The following SPTBN4 variants were observed in gnomAD, a reference collection of about 807,000 sequenced individuals.
SPTBN4 encodes spectrin beta chain, non-erythrocytic 4.
SPTBN4 carries 96 observed loss-of-function variants against 277.8 expected under a neutral mutation model. The observed-to-expected ratio is 0.35, with a 90% CI of 0.29 to 0.41. The LOEUF is 0.41. Ranked by LOEUF, SPTBN4 falls within the 10% of genes least tolerant of loss-of-function variation. The pLI is 1.00. For synonymous variants in SPTBN4, 1,481 were observed against 1,580.3 expected, an observed-to-expected ratio of 0.94 and a Z score of 1.49; for missense variants, 3,006 against 3,595.7, an observed-to-expected ratio of 0.84 and a Z score of 4.19.
At chr19:40,489,277 T>C (rs1041142981) in intron 3 of SPTBN4, among the ~76,000 whole-genome samples, 1 of 148,646 alleles carries the variant, frequency 6.7e-6, no homozygotes, top group Non-Finnish European at 1.5e-5. Context: ...TTGGAAGGAA[T>C]TGAGCCATAA....
Position 40,509,104 on chromosome 19 carries a change from T to TA in SPTBN4, c.1816+2719dup. ...TTATTGCTTTTTTTTTTTTTTTTTT[T>TA]AGACACTTGATCTCTCTATGTTACC... On this transcript the variant is annotated intron_variant, in intron 13 of 35. Coordinates refer to ENST00000598249, the MANE Select transcript of SPTBN4 (RefSeq NM_020971.3). Among the ~76,000 whole-genome samples the TA allele has an allele frequency of 2.2e-5, 3 of 139,056 alleles. No homozygotes were observed. The South Asian group carries it at 6.7e-4, about 31-fold the overall frequency. The allele number at this position is 139,056 out of a possible 152,430, so 91.2% of individuals were successfully genotyped here.
At chr19:40,483,407 G>A (rs1035621016) in intron 2 of SPTBN4, among the ~76,000 whole-genome samples, 1 of 151,916 alleles carries the variant, frequency 6.6e-6, no homozygotes, top group Admixed American at 6.6e-5. Flanking sequence ...ATATATAACT[G>A]CTATGTACCC....
intron 11 of SPTBN4, 114 bp from the exon 12 acceptor site, chr19:40,503,716 G>C: frequency 8.5e-7 from 1 of 1,172,656 alleles, no homozygotes; most frequent in Non-Finnish European, 1.2e-6. Flanking sequence ...TAACTAGGGA[G>C]GGCAGGGCCA....
intron 12 of SPTBN4, among the ~76,000 whole-genome samples, chr19:40,504,630 C>T (rs1050920976): frequency 1.3e-5 from 2 of 151,482 alleles, no homozygotes; most frequent in East Asian, 3.9e-4. Flanking sequence ...GATCCCGCCA[C>T]TGCACTCCAG....
chr19:40,530,345 C>T (rs1402520003), intron 18 of SPTBN4: 1 of 192,266 alleles, frequency 5.2e-6, no homozygotes, highest in African/African-American at 2.4e-5. Context: ...AGCCCCCCAC[C>T]CGAAGCCTTG....
intron 4 of SPTBN4, among the ~76,000 whole-genome samples, chr19:40,492,401 G>A (rs570475262): frequency 1.3e-5 from 2 of 152,244 alleles, no homozygotes; most frequent in South Asian, 2.1e-4. Flanking sequence ...AGATGGAACA[G>A]CCAGTGCTAA....
chr19:40,530,333 G>A (rs1274024713), intron 18 of SPTBN4, among the ~76,000 whole-genome samples: 1 of 152,074 alleles, frequency 6.6e-6, no homozygotes, highest in East Asian at 1.9e-4. Context: ...AGATGGCGCA[G>A]AAGCCCCCCA....
intron 17 of SPTBN4, 99 bp from the exon 18 acceptor site, chr19:40,528,942 C>T (rs1484153952): frequency 6.9e-6 from 6 of 874,118 alleles, no homozygotes; most frequent in Non-Finnish European, 1.1e-5. Flanking sequence ...TTTCCACGCC[C>T]TTCTTCCCCT....
Position 40,515,458 on chromosome 19 carries a change from C to T in SPTBN4, c.2903+10C>T, listed in dbSNP as rs2080443457. The T allele has an allele frequency of 6.5e-7, 1 of 1,547,038 alleles. No individual in the cohort carries two copies. The highest frequency in any genetic ancestry group is 2.0e-5 in the Admixed American group (1 of 50,094). ...ACCACCTCAACAGCAGGTAGGAGGG[C>T]CTGGGGCTGGGAGTCCCTCCCATCC... is the stretch of plus-strand genomic sequence containing the variant. On this transcript the variant is annotated intron_variant, in intron 15 of 35. Coordinates refer to ENST00000598249, the MANE Select transcript of SPTBN4 (RefSeq NM_020971.3). The surrounding 1 kb of genome is among the most constrained non-coding windows in gnomAD (Gnocchi z 4.1).
chr19:40,493,121 C>T, intron 5 of SPTBN4, 67 bp downstream of exon 5: 1 of 1,486,634 alleles, frequency 6.7e-7, no homozygotes, highest in Non-Finnish European at 9.4e-7. Flanking sequence ...CAATTCCTTC[C>T]CAGACAAGAG....
At chr19:40,523,195 G>C (rs2080548845) in intron 16 of SPTBN4, among the ~76,000 whole-genome samples, 1 of 152,178 alleles carries the variant, frequency 6.6e-6, no homozygotes, top group Non-Finnish European at 1.5e-5. Context: ...GGTGGGAGTT[G>C]ATAAATTTGG....
At position 40,550,344 on chromosome 19, in the gene SPTBN4, G is replaced by A. The variant is rs760035295; in HGVS notation, c.4674+17G>A. ...AAGAACCAGGTGAGCAGAGCCAGGT[G>A]AGGGAGCGAGTTAGGACATTTGGAT... On this transcript the variant is annotated intron_variant, in intron 22 of 35. Coordinates refer to ENST00000598249, the MANE Select transcript of SPTBN4 (RefSeq NM_020971.3). 4 of 1,603,440 alleles carry A rather than the reference G, an allele frequency of 2.5e-6. No individual in the cohort carries two copies. The African/African-American group carries it at 5.3e-5, about 21-fold the overall frequency.
chr19:40,484,793 G>T (rs540943636), intron 2 of SPTBN4, among the ~76,000 whole-genome samples: 1 of 151,800 alleles, frequency 6.6e-6, no homozygotes, highest in Non-Finnish European at 1.5e-5. Context: ...TTAGCCGGGC[G>T]TGGTGGCAGG....
At chr19:40,474,404 G>A (rs572129729) in intron 2 of SPTBN4, among the ~76,000 whole-genome samples, 40 of 151,212 alleles carry the variant, frequency 2.6e-4, no homozygotes, top group Non-Finnish European at 5.2e-4. Flanking sequence ...TCAGCCTTGG[G>A]CCAACCAGTA....
At chr19:40,491,417 A>G (rs2080133974) in intron 4 of SPTBN4, among the ~76,000 whole-genome samples, 1 of 152,048 alleles carries the variant, frequency 6.6e-6, no homozygotes, top group African/African-American at 2.4e-5. Context: ...GCAACATTTT[A>G]TCAAGGGGAG....
rs1192943871 is a variant in SPTBN4 at position 40,537,413 on chromosome 19, ACTG to A, written c.4359+3075_4359+3077del. Among the ~76,000 whole-genome samples, 6 of 152,244 alleles carry A rather than the reference ACTG, an allele frequency of 3.9e-5. No homozygotes were observed. The South Asian group carries it at 8.3e-4, about 21-fold the overall frequency. ...ACAGGTCATCAGGTCTCTGAAAAACACTGCTGCATGCTGGAGAGAGAATGAGAA... is the reference window on the plus strand; with the variant it reads ...ACAGGTCATCAGGTCTCTGAAAAACACTGCATGCTGGAGAGAGAATGAGAA... On this transcript the variant is annotated intron_variant, in intron 20 of 35. Transcript: ENST00000598249.
intron 13 of SPTBN4, among the ~76,000 whole-genome samples, chr19:40,507,255 C>T: frequency 6.6e-6 from 1 of 151,768 alleles, no homozygotes; most frequent in East Asian, 1.9e-4. Context: ...GTCGAGGCTG[C>T]AGTAAGCCAA....
Position 40,557,280 on chromosome 19 carries a change from G to A in SPTBN4, c.5547G>A (p.Gln1849=). 1 of 1,613,732 alleles carries A rather than the reference G, an allele frequency of 6.2e-7. No homozygotes were observed. The highest frequency in any genetic ancestry group is 8.5e-7 in the Non-Finnish European group (1 of 1,179,922). ...FFSDARELQG[Q]IEEKRRRLPR... ...GTGACGCCCGAGAGCTTCAGGGACA[G>A]ATTGAGGAGAAGCGGAGGCGGCTGC... The change falls in exon 26 of 36, where the codon CAG becomes CAA. Residue 1849 remains glutamine (Q), a synonymous_variant. Coordinates refer to ENST00000598249, the MANE Select transcript of SPTBN4 (RefSeq NM_020971.3).
rs555082803 is a variant in SPTBN4 at position 40,543,598 on chromosome 19, G to A, written c.4360-5591G>A. 1.4e-3 allele frequency among the ~76,000 whole-genome samples: 216 copies of A among 152,182 alleles called. 1 individual carries two copies. Among genetic ancestry groups the A allele is most frequent in the African/African-American group, 4.9e-3 (204 of 41,524 alleles). ...GGGTTTTGTTTTGCAGTCATTTGTG[G>A]TAATCTGCTACCACTTAATTTTTTA... On this transcript the variant is annotated intron_variant, in intron 20 of 35. Transcript: ENST00000598249.
Sources: allele counts gnomAD v4.1 joint callset (sites outside exome capture counted in the v4.1 genomes callset), GRCh38; gene constraint gnomAD v4.1.1; non-coding constraint Gnocchi (gnomAD v3.1); transcripts MANE v1.5; gene names NCBI Gene and HGNC (gene_info 2026-07-23, HGNC 2026-07-21).